Variants in PCDH7 observed in about 807,000 individuals in gnomAD.
The protein encoded by PCDH7 is protocadherin 7, also known as protocadherin-7.
A neutral mutation model predicts 58.9 loss-of-function variants in PCDH7; 17 were observed. The observed-to-expected ratio is 0.29, with a 90% CI of 0.20 to 0.43. PCDH7 has a LOEUF of 0.43. Among genes scored for constraint, PCDH7 ranks in the 20% least tolerant of loss-of-function variants. PCDH7 has a pLI of 1.00. For missense variants in PCDH7, 1,274 were observed against 1,441.0 expected (o/e 0.88, Z 1.88); for synonymous variants, 664 against 616.4 (o/e 1.08, Z -1.14).
chr4:30,853,898 C>T (rs1041716170), intron 1 of PCDH7, among the ~76,000 whole-genome samples: 3 of 151,948 alleles, frequency 2.0e-5, no homozygotes, highest in African/African-American at 7.3e-5. Flanking sequence ...AAGAGACTAG[C>T]CTAATCAAAT....
intron 2 of PCDH7, among the ~76,000 whole-genome samples, chr4:30,941,989 T>C (rs990408531): frequency 6.6e-6 from 1 of 151,898 alleles, no homozygotes; most frequent in Non-Finnish European, 1.5e-5. Context: ...TTGTAACACA[T>C]TGGGTGAGGT....
intron 3 of PCDH7, among the ~76,000 whole-genome samples, chr4:31,039,717 CTT>C (rs1755693639): frequency 6.6e-6 from 1 of 152,134 alleles, no homozygotes; most frequent in African/African-American, 2.4e-5. Flanking sequence ...AACTGGAAGA[CTT>C]ATGTTTTTTC....
chr4:31,131,722 G>A (rs575678265), intron 3 of PCDH7, among the ~76,000 whole-genome samples: 3 of 152,172 alleles, frequency 2.0e-5, no homozygotes, highest in Admixed American at 1.3e-4. Context: ...GCTTTTCTGT[G>A]TGATTTCTGA....
At chr4:30,866,750 C>A (rs1365608382) in intron 1 of PCDH7, among the ~76,000 whole-genome samples, 2 of 151,476 alleles carry the variant, frequency 1.3e-5, no homozygotes, top group African/African-American at 4.9e-5. Context: ...CCTTTCTCTG[C>A]AATCCTTACA....
At chr4:31,010,627 C>G (rs1421720296) in intron 3 of PCDH7, among the ~76,000 whole-genome samples, 1 of 151,822 alleles carries the variant, frequency 6.6e-6, no homozygotes, top group Non-Finnish European at 1.5e-5. Context: ...TTGCATTTCA[C>G]CTAACACTAA....
intron 3 of PCDH7, among the ~76,000 whole-genome samples, chr4:30,967,658 T>A (rs1749114305): frequency 6.6e-6 from 1 of 152,110 alleles, no homozygotes; most frequent in South Asian, 2.1e-4. Flanking sequence ...CCCATGAAAT[T>A]TATGTTACAT....
chr4:30,757,118 T>C lies in PCDH7; in HGVS notation c.70+32522T>C, dbSNP rs373060217. Among the ~76,000 whole-genome samples, 20 of 152,326 alleles carry C rather than the reference T, an allele frequency of 1.3e-4. No individual in the cohort carries two copies. The South Asian group carries it at 3.7e-3, about 28-fold the overall frequency. ...TCCTTATTATAGCAGTCACCACCTATCAAAAGAGCTTCTATTTTCAAATGA... is the reference window on the plus strand; with the variant it reads ...TCCTTATTATAGCAGTCACCACCTACCAAAAGAGCTTCTATTTTCAAATGA... On this transcript the variant is annotated intron_variant, in intron 1 of 3. Coordinates refer to the PCDH7 transcript ENST00000509759.
At chr4:31,050,204 C>T (rs1188120339) in intron 3 of PCDH7, among the ~76,000 whole-genome samples, 1 of 152,048 alleles carries the variant, frequency 6.6e-6, no homozygotes, top group African/African-American at 2.4e-5. Flanking sequence ...CAGGCTTTTG[C>T]CAAACACTGG....
At chr4:31,097,626 A>T (rs1471606414) in intron 3 of PCDH7, among the ~76,000 whole-genome samples, 1 of 42,754 alleles carries the variant, frequency 2.3e-5, no homozygotes, top group Non-Finnish European at 3.7e-5. Flanking sequence ...ATATATATAT[A>T]TATATATATA....
Position 31,016,958 on chromosome 4 carries a change from T to G in PCDH7, c.*7+66743T>G, listed in dbSNP as rs566648604. Among the ~76,000 whole-genome samples, 3 of 151,390 alleles carry G rather than the reference T, an allele frequency of 2.0e-5. No homozygotes were observed. In the East Asian group the frequency reaches 5.9e-4, roughly 30 times the overall value. On this transcript the variant is annotated intron_variant, in intron 3 of 3. Coordinates refer to the PCDH7 transcript ENST00000509759. Reference sequence around the variant, plus strand: ...TGTGCATGTGCTGGGTGTGTGTATGTGTTTGTGTGTGTGTGTGAGAGAGAG... The same window carrying G: ...TGTGCATGTGCTGGGTGTGTGTATGGGTTTGTGTGTGTGTGTGAGAGAGAG...
At chr4:30,864,981 C>T (rs755590374) in intron 1 of PCDH7, among the ~76,000 whole-genome samples, 65 of 151,974 alleles carry the variant, frequency 4.3e-4, no homozygotes, top group Non-Finnish European at 8.2e-4. Flanking sequence ...GCTTTCACAA[C>T]AAAATGAGCT....
intron 1 of PCDH7, among the ~76,000 whole-genome samples, chr4:30,858,929 A>G (rs1016818340): frequency 6.6e-6 from 1 of 152,208 alleles, no homozygotes; most frequent in African/African-American, 2.4e-5. Context: ...GGAAATAACA[A>G]TCAGTTACCT....
chr4:30,886,774 CATGGA>C (rs2109377934), intron 1 of PCDH7, among the ~76,000 whole-genome samples: 1 of 151,050 alleles, frequency 6.6e-6, no homozygotes, highest in Non-Finnish European at 1.5e-5. Flanking sequence ...ACATATACAC[CATGGA>C]ATACTATGCA....
intron 2 of PCDH7, among the ~76,000 whole-genome samples, chr4:30,923,932 G>A (rs1039078478): frequency 3.9e-5 from 6 of 152,158 alleles, no homozygotes; most frequent in Non-Finnish European, 8.8e-5. Context: ...CAATGAAAAT[G>A]TTAGAATAAT....
At chr4:31,017,685 G>C (rs1002630711) in intron 3 of PCDH7, among the ~76,000 whole-genome samples, 1 of 151,956 alleles carries the variant, frequency 6.6e-6, no homozygotes, top group Non-Finnish European at 1.5e-5. Flanking sequence ...TCATCTATTT[G>C]ATTGGCTGTT....
At chr4:30,749,783 TTAA>T (rs1465140281) in intron 1 of PCDH7, among the ~76,000 whole-genome samples, 2 of 152,160 alleles carry the variant, frequency 1.3e-5, no homozygotes, top group African/African-American at 4.8e-5. Context: ...GAAGTTTAGT[TTAA>T]TAATGTTTAT....
intron 3 of PCDH7, among the ~76,000 whole-genome samples, chr4:31,088,927 CAT>C (rs1324461563): frequency 2.6e-5 from 4 of 152,038 alleles, no homozygotes; most frequent in African/African-American, 9.7e-5. Context: ...ATTTTAATTA[CAT>C]GTTACAGTAT....
intron 3 of PCDH7, among the ~76,000 whole-genome samples, chr4:31,034,040 G>A (rs779851789): frequency 1.4e-4 from 21 of 152,246 alleles, no homozygotes; most frequent in African/African-American, 2.9e-4. Context: ...GTTGCAGTGC[G>A]TGGAAATCAC....
chr4:31,139,404 A>G (rs887270688), intron 3 of PCDH7, among the ~76,000 whole-genome samples: 5 of 152,250 alleles, frequency 3.3e-5, no homozygotes, highest in Non-Finnish European at 7.3e-5. Flanking sequence ...AAAGCATAAA[A>G]TAATGTTCTT....
Sources: allele counts gnomAD v4.1 joint callset (sites outside exome capture counted in the v4.1 genomes callset), GRCh38; gene constraint gnomAD v4.1.1; transcripts MANE v1.5; gene names NCBI Gene and HGNC (gene_info 2026-07-23, HGNC 2026-07-21).